The following DLG1 variants were observed in gnomAD, a reference collection of about 807,000 sequenced individuals.
DLG1 encodes the protein disks large homolog 1.
In DLG1, 42 loss-of-function variants were observed where a neutral mutation model predicts 123.4. The observed-to-expected ratio is 0.34, with a 90% CI of 0.27 to 0.44. The LOEUF (loss-of-function observed/expected upper bound fraction) is 0.44. Ranked by LOEUF, DLG1 falls within the 20% of genes least tolerant of loss-of-function variation. DLG1 has a pLI of 1.00. For synonymous variants in DLG1, 317 were observed against 356.2 expected (o/e 0.89, Z 1.24); for missense variants, 942 against 1,082.6 (o/e 0.87, Z 1.82).
intron 4 of DLG1, among the ~76,000 whole-genome samples, chr3:197,268,494 A>ACTGCAG (rs1762602469): frequency 6.6e-6 from 1 of 151,920 alleles, no homozygotes; most frequent in Admixed American, 6.6e-5. Flanking sequence ...ATCACAGCTC[A>ACTGCAG]CTGCAGCCTT....
rs576973539 is a variant in DLG1 at position 197,157,564 on chromosome 3, G to C, written c.484-7768C>G. ...TTAAGAAGACATAAATAAATGGGAA[G>C]GGATCTGTGGTCATAGATTGGAAGA... On this transcript the variant is annotated intron_variant, in intron 5 of 24. Coordinates refer to ENST00000667157, the MANE Select transcript of DLG1 (RefSeq NM_001366207.1). 6.6e-5 allele frequency among the ~76,000 whole-genome samples: 10 copies of C among 151,706 alleles called. No homozygotes were observed. The South Asian group carries it at 2.1e-3, about 31-fold the overall frequency.
At position 197,162,680 on chromosome 3, in the gene DLG1, T is replaced by C. The variant is rs577229642; in HGVS notation, c.484-12884A>G. On this transcript the variant is annotated intron_variant, in intron 5 of 24. Coordinates refer to ENST00000667157, the MANE Select transcript of DLG1 (RefSeq NM_001366207.1). Reference sequence around the variant, plus strand: ...TCCACATGCAAAAGATGAAGGTCTATAGACCCCCATCTCACATTATATATA... The same window carrying C: ...TCCACATGCAAAAGATGAAGGTCTACAGACCCCCATCTCACATTATATATA... 7.2e-5 allele frequency among the ~76,000 whole-genome samples: 11 copies of C among 152,330 alleles called. No homozygotes were observed. In the South Asian group the frequency reaches 1.9e-3, roughly 26 times the overall value.
At chr3:197,120,614 T>C (rs760951197) in intron 11 of DLG1, among the ~76,000 whole-genome samples, 10 of 152,186 alleles carry the variant, frequency 6.6e-5, no homozygotes, top group African/African-American at 1.9e-4. Flanking sequence ...ATATCTTCTA[T>C]GGAGGGAAGC....
At chr3:197,210,878 G>T (rs552371079) in intron 4 of DLG1, among the ~76,000 whole-genome samples, 6 of 145,214 alleles carry the variant, frequency 4.1e-5, no homozygotes, top group African/African-American at 1.5e-4. Context: ...AAAAGAAAAT[G>T]ACACAAATAT....
intron 7 of DLG1, among the ~76,000 whole-genome samples, chr3:197,141,694 A>G (rs1170586217): frequency 6.6e-6 from 1 of 152,196 alleles, no homozygotes; most frequent in African/African-American, 2.4e-5. Flanking sequence ...CATTACTATT[A>G]TAACATACAA....
intron 5 of DLG1, among the ~76,000 whole-genome samples, chr3:197,180,402 T>C (rs998673586): frequency 6.6e-6 from 1 of 151,960 alleles, no homozygotes; most frequent in African/African-American, 2.4e-5. Context: ...AACACAAGAA[T>C]AGGAGGGACG....
intron 23 of DLG1, 75 bp from the exon 24 acceptor site, chr3:197,051,743 G>A: frequency 9.1e-7 from 1 of 1,094,012 alleles, no homozygotes; most frequent in Non-Finnish European, 1.3e-6. Flanking sequence ...AAGGAGAGAT[G>A]ACACATAAAA....
chr3:197,122,157 C>T (rs1303246564), intron 11 of DLG1, among the ~76,000 whole-genome samples: 1 of 151,724 alleles, frequency 6.6e-6, no homozygotes, highest in Non-Finnish European at 1.5e-5. Context: ...TGGGTTTTTT[C>T]CCCCCACAAA....
At chr3:197,098,183 T>C (rs1579117565) in intron 14 of DLG1, among the ~76,000 whole-genome samples, 2 of 152,330 alleles carry the variant, frequency 1.3e-5, no homozygotes, top group East Asian at 3.9e-4. Context: ...ATGTTTTGTT[T>C]GCTAATTCCT....
chr3:197,055,842 A>G (rs1731306394), intron 23 of DLG1, among the ~76,000 whole-genome samples: 1 of 152,178 alleles, frequency 6.6e-6, no homozygotes, highest in African/African-American at 2.4e-5. Flanking sequence ...AGGGGCTTGT[A>G]ACAGTGGCAG....
At chr3:197,055,491 AG>A (rs1160622657) in intron 23 of DLG1, among the ~76,000 whole-genome samples, 1 of 152,132 alleles carries the variant, frequency 6.6e-6, no homozygotes, top group African/African-American at 2.4e-5. Context: ...TTCCTTTCCC[AG>A]GGTTTGCTGT....
intron 18 of DLG1, chr3:197,069,529 G>T (rs1481222752): frequency 3.9e-6 from 1 of 253,256 alleles, no homozygotes; most frequent in Non-Finnish European, 7.4e-6. Flanking sequence ...GACAAAAAGG[G>T]CTAAGTGACC....
At chr3:197,166,993 G>A (rs1298068379) in intron 5 of DLG1, among the ~76,000 whole-genome samples, 1 of 152,144 alleles carries the variant, frequency 6.6e-6, no homozygotes, top group African/African-American at 2.4e-5. Context: ...CACAAGATGT[G>A]TGTAGACATC....
intron 4 of DLG1, among the ~76,000 whole-genome samples, chr3:197,213,752 A>T (rs764221413): frequency 3.9e-5 from 6 of 152,358 alleles, no homozygotes; most frequent in Non-Finnish European, 8.8e-5. Context: ...TCTTGGATAA[A>T]GGCTCATTAT....
At chr3:197,063,191 T>TAA (rs34170630) in intron 22 of DLG1, among the ~76,000 whole-genome samples, 49 of 144,568 alleles carry the variant, frequency 3.4e-4, no homozygotes, top group African/African-American at 6.6e-4. Context: ...ACTTAAAGTA[T>TAA]AAAAAAAAAA....
intron 13 of DLG1, among the ~76,000 whole-genome samples, chr3:197,105,955 A>G (rs1766109166): frequency 6.6e-6 from 1 of 152,220 alleles, no homozygotes; most frequent in Non-Finnish European, 1.5e-5. Flanking sequence ...GAACTAATCT[A>G]AAATCTGTTA....
At chr3:197,235,148 C>T (rs1286248346) in intron 4 of DLG1, among the ~76,000 whole-genome samples, 1 of 152,084 alleles carries the variant, frequency 6.6e-6, no homozygotes, top group Admixed American at 6.5e-5. Flanking sequence ...GTGAGCTCTA[C>T]GATCTTCCTG....
intron 11 of DLG1, among the ~76,000 whole-genome samples, chr3:197,126,304 C>T (rs558823520): frequency 4.6e-5 from 7 of 152,020 alleles, no homozygotes; most frequent in African/African-American, 1.7e-4. Context: ...TGGAGAAACC[C>T]CGTCTCTACT....
At chr3:197,181,030 T>G (rs58979115) in intron 5 of DLG1, among the ~76,000 whole-genome samples, 2,435 of 152,308 alleles carry the variant, frequency 0.016, 69 homozygotes, top group African/African-American at 0.054. Context: ...AATGACTTCC[T>G]CCTGAGTTCC....
Sources: gnomAD v4.1 joint callset for allele counts (sites outside exome capture counted in the v4.1 genomes callset) on GRCh38, gnomAD v4.1.1 for gene constraint, MANE v1.5 for transcripts, NCBI Gene and HGNC (gene_info 2026-07-23, HGNC 2026-07-21) for gene names.